QSER1: variants seen among roughly 807,000 people sequenced by gnomAD.
QSER1 encodes glutamine and serine rich 1.
QSER1 carries 49 observed loss-of-function variants against 158.5 expected under a neutral mutation model. That is an observed-to-expected ratio of 0.31 (90% CI 0.25 to 0.39). QSER1 has a LOEUF of 0.39. Among genes scored for constraint, QSER1 ranks in the 10% least tolerant of loss-of-function variants. QSER1 has a pLI of 1.00. For missense variants in QSER1, 1,754 were observed against 2,010.3 expected (o/e 0.87, Z 2.44); for synonymous variants, 650 against 715.5 (o/e 0.91, Z 1.46).
rs1852102129 is a variant in QSER1 at position 32,934,223 on chromosome 11, G to A, written c.2965G>A (p.Ala989Thr). 7.4e-6 allele frequency: 12 copies of A among 1,613,894 alleles called. No individual in the cohort carries two copies. The highest frequency in any genetic ancestry group is 1.0e-5 in the Non-Finnish European group (12 of 1,179,948). ...AGATGATATCTTAGCAGCTACAGCA[G>A]CAGCTTGTGGAGTTACACCTACTGA... ...NVDDILAATAAACGVTPTDFS... is the reference protein window; with the variant it reads ...NVDDILAATATACGVTPTDFS... Residue 989 changes from alanine (A) to threonine (T), a missense_variant, in exon 4 of 13, where the codon GCA (alanine) becomes ACA (threonine). Physicochemically the swap from Ala to Thr is moderately conservative, Grantham distance 58. This residue lies in a region of QSER1 where 1,707 missense variants were observed against 1,919.6 expected (regional missense o/e 0.89). Coordinates refer to ENST00000650167, the MANE Select transcript of QSER1 (RefSeq NM_001076786.3).
At position 32,975,419 on chromosome 11, in the gene QSER1, GT is replaced by G. The variant is rs1473690359; in HGVS notation, c.5454+80del. 4 of 1,580,360 alleles carry G rather than the reference GT, an allele frequency of 2.5e-6. No individual in the cohort carries two copies. The East Asian group carries it at 9.1e-5, about 36-fold the overall frequency. On this transcript the variant is annotated intron_variant, in intron 12 of 12. Coordinates refer to ENST00000650167, the MANE Select transcript of QSER1 (RefSeq NM_001076786.3). ...GACTCTAGCCATAGTATTTTGGAGT[GT>G]TTTAAAGAGAGTTGTGAAATACATG...
At chr11:32,955,731 C>T (rs1489820849) in intron 6 of QSER1, among the ~76,000 whole-genome samples, 1 of 151,874 alleles carries the variant, frequency 6.6e-6, no homozygotes, top group Non-Finnish European at 1.5e-5. Flanking sequence ...GTCAAATATC[C>T]TGATTTACCA....
At chr11:32,974,807 AAAG>A (rs1301459043) in intron 11 of QSER1, among the ~76,000 whole-genome samples, 1 of 152,222 alleles carries the variant, frequency 6.6e-6, no homozygotes. Flanking sequence ...ACGTTGGAAG[AAAG>A]AAGAAAAGTT....
intron 5 of QSER1, 67 bp from the exon 6 acceptor site, chr11:32,955,229 T>C: frequency 1.2e-6 from 1 of 844,574 alleles, no homozygotes; most frequent in Non-Finnish European, 1.9e-6. Flanking sequence ...TCCTTTCATC[T>C]CTAATATTCT....
rs1853042767 is a variant in QSER1 at position 32,979,959 on chromosome 11, C to A, written c.*3485C>A. 6.6e-6 allele frequency: 1 copy of A among 152,252 alleles called. No homozygotes were observed. Among genetic ancestry groups the A allele is most frequent in the Admixed American group, 6.5e-5 (1 of 15,274 alleles). 9.4% of individuals were successfully genotyped at this position (152,252 alleles called of 1,614,324 possible). On this transcript the variant is annotated 3_prime_UTR_variant, in exon 13 of 13. Transcript: ENST00000650167. ...GCTTTTCATATAGAGTGAAATATCC[C>A]AGGATAACTGCTTCTGTGTCAGTCG...
At chr11:32,910,953 A>T (rs1241521267) in intron 1 of QSER1, among the ~76,000 whole-genome samples, 1 of 152,164 alleles carries the variant, frequency 6.6e-6, no homozygotes, top group Non-Finnish European at 1.5e-5. Flanking sequence ...GGGAGGAGAT[A>T]GTACAATGTA....
chr11:32,947,889 C>T (rs188212901), intron 4 of QSER1, among the ~76,000 whole-genome samples: 2,963 of 152,218 alleles, frequency 0.019, 46 homozygotes, highest in South Asian at 0.039. Flanking sequence ...GTTTTTAATA[C>T]TGTCATACTA....
chr11:32,972,484 G>C (rs1370334641), intron 10 of QSER1, among the ~76,000 whole-genome samples: 1 of 151,672 alleles, frequency 6.6e-6, no homozygotes. Context: ...CACCCAGACT[G>C]GAGTGCAGTG....
intron 1 of QSER1, among the ~76,000 whole-genome samples, chr11:32,900,914 C>T (rs1245086649): frequency 1.3e-5 from 2 of 152,212 alleles, no homozygotes; most frequent in Non-Finnish European, 2.9e-5. Context: ...AGCATTCTCA[C>T]TCTCTGGAGT....
chr11:32,900,022 G>A (rs1254829308), intron 1 of QSER1, among the ~76,000 whole-genome samples: 1 of 152,096 alleles, frequency 6.6e-6, no homozygotes, highest in African/African-American at 2.4e-5. Flanking sequence ...TGTCCAGAAG[G>A]TTAGAGCCAT....
At chr11:32,904,682 G>C (rs1851669901) in intron 1 of QSER1, among the ~76,000 whole-genome samples, 1 of 140,296 alleles carries the variant, frequency 7.1e-6, no homozygotes, top group Non-Finnish European at 1.5e-5. Context: ...TTCCTAAAAT[G>C]GTGTTAGGAA....
chr11:32,947,001 G>C (rs370907441), intron 4 of QSER1, among the ~76,000 whole-genome samples: 1 of 152,216 alleles, frequency 6.6e-6, no homozygotes, highest in Non-Finnish European at 1.5e-5. Context: ...TCCAGGTGCC[G>C]TCCGTCACCC....
chr11:32,975,935 A>T (rs1209052718), intron 12 of QSER1, among the ~76,000 whole-genome samples: 1 of 152,212 alleles, frequency 6.6e-6, no homozygotes, highest in Non-Finnish European at 1.5e-5. Flanking sequence ...TCTTTTCATT[A>T]TAAAGGGTCC....
intron 3 of QSER1, among the ~76,000 whole-genome samples, chr11:32,930,678 AATT>A (rs1366754929): frequency 2.6e-5 from 4 of 152,286 alleles, no homozygotes; most frequent in Middle Eastern, 6.8e-3. Flanking sequence ...GGTATGCCAT[AATT>A]ATTTGATTGA....
Position 32,932,812 on chromosome 11 carries a change from T to C in QSER1, c.1554T>C (p.Asn518=), listed in dbSNP as rs1194111045. The C allele has an allele frequency of 6.2e-7, 1 of 1,613,964 alleles. No individual in the cohort carries two copies. The highest frequency in any genetic ancestry group is 1.7e-5 in the Admixed American group (1 of 59,976). ...CATCTCAGACTGTAACTCCTGAAAA[T>C]CAGACGCTTAATTATTCATCTAATC... ...SGSSQTVTPE[N]QTLNYSSNQQ... Residue 518 remains asparagine, a synonymous_variant, in exon 4 of 13, where the codon AAT becomes AAC. Coordinates refer to ENST00000650167, the MANE Select transcript of QSER1 (RefSeq NM_001076786.3).
rs560414593 is a variant in QSER1, at chr11:32,966,883, C to T, written c.5107+446C>T. ...CTAATCAGTTAAAATTAGTATTAAA[C>T]CAGTAAATGCACTGGGTTATACCAA... On this transcript the variant is annotated intron_variant, in intron 9 of 12. Coordinates refer to ENST00000650167, the MANE Select transcript of QSER1 (RefSeq NM_001076786.3). Among the ~76,000 whole-genome samples the T allele has an allele frequency of 4.6e-5, 7 of 152,232 alleles. No homozygotes were observed. The South Asian group carries it at 1.5e-3, about 32-fold the overall frequency.
Position 32,957,935 on chromosome 11 carries a change from T to C in QSER1, c.4818T>C (p.Thr1606=), listed in dbSNP as rs1366838563. The change falls in exon 8 of 13, where the codon ACT becomes ACC. Residue 1606 remains threonine (T), a synonymous_variant. Coordinates refer to ENST00000650167, the MANE Select transcript of QSER1 (RefSeq NM_001076786.3). ...ATCCTCTAGCATCAAAAACTACAAC[T>C]ACAAAAGCCCCTTCCGTGAAACCCA... ...TSDPLASKTT[T]TKAPSVKPKV... is the part of the protein sequence containing the mutation. 3 of 1,613,952 alleles carry C rather than the reference T, an allele frequency of 1.9e-6. No individual in the cohort carries two copies. Among genetic ancestry groups the C allele is most frequent in the Non-Finnish European group, 2.5e-6 (3 of 1,180,008 alleles).
At chr11:32,948,431 G>T (rs1852370684) in intron 4 of QSER1, among the ~76,000 whole-genome samples, 1 of 152,054 alleles carries the variant, frequency 6.6e-6, no homozygotes, top group Admixed American at 6.6e-5. Flanking sequence ...ATACTTTTTA[G>T]CTGGGGAAAC....
chr11:32,951,179 A>C (rs1234385962), intron 4 of QSER1, among the ~76,000 whole-genome samples: 2 of 152,224 alleles, frequency 1.3e-5, no homozygotes, highest in East Asian at 3.8e-4. Flanking sequence ...TCATCCTAGT[A>C]GGATGGTTAA....
Sources: allele counts gnomAD v4.1 joint callset (sites outside exome capture counted in the v4.1 genomes callset), GRCh38; gene constraint gnomAD v4.1.1; regional missense constraint gnomAD v4.1.1; transcripts MANE v1.5; gene names NCBI Gene and HGNC (gene_info 2026-07-23, HGNC 2026-07-21).